The following VPS13C variants were observed in gnomAD, a reference collection of about 807,000 sequenced individuals.
VPS13C encodes intermembrane lipid transfer protein VPS13C.
VPS13C carries 358 observed loss-of-function variants against 456.8 expected under a neutral mutation model. That is an observed-to-expected ratio of 0.78 (90% CI 0.72 to 0.86). The LOEUF (loss-of-function observed/expected upper bound fraction) is 0.86, where lower values mean the gene tolerates loss of function less well. Among genes scored for constraint, VPS13C ranks in the 40% least tolerant of loss-of-function variants. The pLI is 0.00. For synonymous variants in VPS13C, 1,578 were observed against 1,486.7 expected, an observed-to-expected ratio of 1.06 and a Z score of -1.41; for missense variants, 4,818 against 4,385.4, an observed-to-expected ratio of 1.10 and a Z score of -2.79.
intron 66 of VPS13C, among the ~76,000 whole-genome samples, chr15:61,898,079 C>A (rs577479479): frequency 3.3e-5 from 5 of 151,988 alleles, no homozygotes; most frequent in East Asian, 3.9e-4. Flanking sequence ...ACCAGACATG[C>A]CCTATAAGAG....
At chr15:61,908,774 A>C (rs907692288) in intron 65 of VPS13C, among the ~76,000 whole-genome samples, 5 of 152,204 alleles carry the variant, frequency 3.3e-5, no homozygotes, top group Non-Finnish European at 7.3e-5. Flanking sequence ...ATTTCTATTT[A>C]TCCCATTTGA....
chr15:61,920,099 C>A lies in VPS13C; in HGVS notation c.7445G>T (p.Arg2482Leu), dbSNP rs115481870. Residue 2482 changes from arginine to leucine, a missense_variant, in exon 57 of 85, where the codon CGT (arginine) becomes CTT (leucine). Physicochemically the swap from Arg to Leu is moderately radical, Grantham distance 102 (BLOSUM62 -2). Coordinates refer to ENST00000644861, the MANE Select transcript of VPS13C (RefSeq NM_020821.3). ...SSQGNLSILS[R>L]QESSFFTLTI... Reference sequence around the variant, plus strand: ...CAGAGTGAAGAAGGAGCTTTCTTGACGGCTCAATATAGATAGGTTCCCTTG... The same window carrying A: ...CAGAGTGAAGAAGGAGCTTTCTTGAAGGCTCAATATAGATAGGTTCCCTTG... 3 of 1,607,938 alleles carry A rather than the reference C, an allele frequency of 1.9e-6. No individual in the cohort carries two copies. Among genetic ancestry groups the A allele is most frequent in the Non-Finnish European group, 2.6e-6 (3 of 1,175,982 alleles).
At chr15:62,003,116 G>A (rs1446698460) in intron 15 of VPS13C, among the ~76,000 whole-genome samples, 1 of 151,950 alleles carries the variant, frequency 6.6e-6, no homozygotes, top group Non-Finnish European at 1.5e-5. Context: ...GGGCAGTATG[G>A]CCATTTTCAT....
chr15:61,940,635 C>T lies in VPS13C; in HGVS notation c.5601+12G>A, dbSNP rs1173982131. ...TCAAGAAATTTTCATATATTATATA[C>T]TAGCTACTTACCTGCATAGGTTTTA... On this transcript the variant is annotated intron_variant, in intron 47 of 84. Transcript: ENST00000644861. 3 of 1,609,924 alleles carry T rather than the reference C, an allele frequency of 1.9e-6. No individual in the cohort carries two copies. Among genetic ancestry groups the T allele is most frequent in the Non-Finnish European group, 2.5e-6 (3 of 1,178,492 alleles).
chr15:61,856,290 A>T lies in VPS13C; in HGVS notation c.11072T>A (p.Val3691Asp), dbSNP rs1283137518. 4 of 1,612,968 alleles carry T rather than the reference A, an allele frequency of 2.5e-6. No homozygotes were observed. The highest frequency in any genetic ancestry group is 3.4e-6 in the Non-Finnish European group (4 of 1,179,386). The change falls in exon 83 of 85, where the codon GTT becomes GAT. Residue 3691 changes from valine (V) to aspartate (D), a missense_variant. Coordinates refer to ENST00000644861, the MANE Select transcript of VPS13C (RefSeq NM_020821.3). ...SVSENVLKISVKEQGLFHKKD... is the reference protein window; with the variant it reads ...SVSENVLKISDKEQGLFHKKD... The stretch of plus-strand genomic sequence containing the variant: ...AGGTGTGACATGTTTTCTTACCTTA[A>T]CTGAAATTTTTAGCACATTTTCACT...
intron 79 of VPS13C, among the ~76,000 whole-genome samples, chr15:61,870,717 C>T (rs1894959102): frequency 6.6e-6 from 1 of 152,140 alleles, no homozygotes. Context: ...CTATTTTCTT[C>T]CAAAATGACT....
rs74973673 is a variant in VPS13C, at chr15:61,938,272, G to A, written c.5602-1522C>T. Among the ~76,000 whole-genome samples, 1,068 of 148,462 alleles carry A rather than the reference G, an allele frequency of 7.2e-3. 19 individuals carry two copies. The highest frequency in any genetic ancestry group is 0.026 in the African/African-American group (1,031 of 38,964). ...CCCCTCTTTCACTTTGCTGTGGGGT[G>A]GGGGGGGAACAAGTATGAAGGACAA... On this transcript the variant is annotated intron_variant, in intron 47 of 84. Transcript: ENST00000644861.
rs1030316738 is a variant in VPS13C at position 61,921,933 on chromosome 15, T to C, written c.7062+14A>G. 4 of 1,608,984 alleles carry C rather than the reference T, an allele frequency of 2.5e-6. No homozygotes were observed. In the Admixed American group the frequency reaches 6.7e-5, roughly 27 times the overall value. On this transcript the variant is annotated intron_variant, in intron 55 of 84. Coordinates refer to ENST00000644861, the MANE Select transcript of VPS13C (RefSeq NM_020821.3). Reference sequence around the variant, plus strand: ...AGTATCATTCTATCCAAAGATATTTTAAGATTTCCTTACATCAAGCCTTAA... The same window carrying C: ...AGTATCATTCTATCCAAAGATATTTCAAGATTTCCTTACATCAAGCCTTAA...
chr15:62,001,092 C>T (rs907967797), intron 15 of VPS13C, among the ~76,000 whole-genome samples: 16 of 152,170 alleles, frequency 1.1e-4, no homozygotes, highest in Admixed American at 1.0e-3. Flanking sequence ...TGATTTGAGG[C>T]ATTTATATAA....
At chr15:61,972,433 C>T (rs894870087) in intron 27 of VPS13C, among the ~76,000 whole-genome samples, 192 bp downstream of exon 27, 1 of 152,014 alleles carries the variant, frequency 6.6e-6, no homozygotes, top group Non-Finnish European at 1.5e-5. Context: ...AAAAGCATTT[C>T]ATTGTTAAAA....
intron 67 of VPS13C, among the ~76,000 whole-genome samples, chr15:61,885,044 G>A (rs1198583871): frequency 1.3e-5 from 2 of 152,014 alleles, no homozygotes; most frequent in Non-Finnish European, 2.9e-5. Flanking sequence ...CCTGCACTGA[G>A]GTCAGAAAAA....
chr15:61,922,485 A>G lies in VPS13C; in HGVS notation c.6887T>C (p.Val2296Ala), dbSNP rs763079393. ...CTTAGACTCTGCCAATAATAAAGGT[A>G]CAGTTCGATGTCCAAGGCCACATTC... ...TLECGLGHRTVPLLLAESKFS... is the reference protein window; with the variant it reads ...TLECGLGHRTAPLLLAESKFS... Residue 2296 changes from valine (V) to alanine (A), a missense_variant, in exon 54 of 85, where the codon GTA (valine) becomes GCA (alanine). By Grantham distance (64) the Val-to-Ala change is moderately conservative. Coordinates refer to ENST00000644861, the MANE Select transcript of VPS13C (RefSeq NM_020821.3). 2 of 1,614,070 alleles carry G rather than the reference A, an allele frequency of 1.2e-6. No individual in the cohort carries two copies. The highest frequency in any genetic ancestry group is 1.7e-6 in the Non-Finnish European group (2 of 1,179,960).
intron 3 of VPS13C, 41 bp downstream of exon 3, chr15:62,041,283 A>C: frequency 6.3e-7 from 1 of 1,575,468 alleles, no homozygotes; most frequent in East Asian, 2.3e-5. Flanking sequence ...ATAGAAAACA[A>C]TAGGACCAAG....
intron 62 of VPS13C, 61 bp downstream of exon 62, chr15:61,913,250 G>A: frequency 6.8e-7 from 1 of 1,460,390 alleles, no homozygotes; most frequent in Non-Finnish European, 9.6e-7. Flanking sequence ...ATTCCAACTT[G>A]TTTGTTGAAC....
intron 3 of VPS13C, among the ~76,000 whole-genome samples, chr15:62,039,688 A>G (rs148813405): frequency 6.6e-6 from 1 of 152,306 alleles, no homozygotes; most frequent in African/African-American, 2.4e-5. Context: ...AATGGCTTTT[A>G]TCCAAAAGAT....
chr15:61,909,366 C>T (rs1362563818), intron 64 of VPS13C, among the ~76,000 whole-genome samples: 5 of 152,168 alleles, frequency 3.3e-5, no homozygotes, highest in Admixed American at 2.6e-4. Flanking sequence ...TGCCACCATG[C>T]CCAGCTAATT....
chr15:61,937,966 A>C (rs1435694866), intron 47 of VPS13C, among the ~76,000 whole-genome samples: 1 of 152,162 alleles, frequency 6.6e-6, no homozygotes, highest in Non-Finnish European at 1.5e-5. Flanking sequence ...ACAAGCATGC[A>C]TGCAAGCACG....
chr15:62,020,195 A>C (rs1047120395), intron 9 of VPS13C, among the ~76,000 whole-genome samples: 24 of 151,916 alleles, frequency 1.6e-4, no homozygotes, highest in African/African-American at 5.8e-4. Context: ...ACAGAAATTC[A>C]TCTTCCCCTA....
At chr15:61,864,391 T>C (rs979932843) in intron 81 of VPS13C, 16 of 900,408 alleles carry the variant, frequency 1.8e-5, no homozygotes, top group East Asian at 1.2e-4. Context: ...TAAAAACGAG[T>C]TTTTTTATAA....
Sources: allele counts gnomAD v4.1 joint callset (sites outside exome capture counted in the v4.1 genomes callset), GRCh38; gene constraint gnomAD v4.1.1; transcripts MANE v1.5; gene names NCBI Gene and HGNC (gene_info 2026-07-23, HGNC 2026-07-21).